SWT1: variants seen among roughly 807,000 people sequenced by gnomAD.
The protein encoded by SWT1 is transcriptional protein SWT1.
A neutral mutation model predicts 107.3 loss-of-function variants in SWT1; 33 were observed. The ratio of observed to expected loss-of-function variants is 0.31; its 90% CI spans 0.23 to 0.41. The LOEUF (loss-of-function observed/expected upper bound fraction) is 0.41. Among genes scored for constraint, SWT1 ranks in the 10% least tolerant of loss-of-function variants. The probability of loss-of-function intolerance (pLI) is 1.00; values close to 1 mark genes in which losing one functional copy is unlikely to be tolerated. For synonymous variants in SWT1, 345 were observed against 348.3 expected (o/e 0.99, Z 0.11); for missense variants, 898 against 1,028.9 (o/e 0.87, Z 1.74).
intron 17 of SWT1, among the ~76,000 whole-genome samples, chr1:185,271,727 AATATAATACAGTC>A (rs1663881926): frequency 6.6e-6 from 1 of 152,202 alleles, no homozygotes; most frequent in Admixed American, 6.5e-5. Context: ...AAAAATTTTG[AATATAATACAGTC>A]TTATTAACTA....
chr1:185,240,031 T>C (rs1487773382), intron 16 of SWT1, among the ~76,000 whole-genome samples: 4 of 152,086 alleles, frequency 2.6e-5, no homozygotes, highest in Non-Finnish European at 1.5e-5. Flanking sequence ...ACACTGTAAA[T>C]GCGTGCAGCT....
chr1:185,258,255 A>G (rs1194960857), intron 16 of SWT1, among the ~76,000 whole-genome samples: 1 of 152,178 alleles, frequency 6.6e-6, no homozygotes, highest in African/African-American at 2.4e-5. Flanking sequence ...ATCTTAGAAC[A>G]CTTTGAGTTC....
chr1:185,210,900 AACAG>A (rs1404779582), intron 13 of SWT1, among the ~76,000 whole-genome samples: 1 of 152,132 alleles, frequency 6.6e-6, no homozygotes, highest in African/African-American at 2.4e-5. Flanking sequence ...ATAAACCAAG[AACAG>A]ACAAACAGAG....
At chr1:185,190,413 TCCA>T in intron 9 of SWT1, 133 bp from the exon 10 acceptor site, 4 of 576,884 alleles carry the variant, frequency 6.9e-6, no homozygotes, top group Non-Finnish European at 1.3e-5. Context: ...ATGACGTGTG[TCCA>T]CCATCATAGT....
chr1:185,258,013 G>A (rs1435873107), intron 16 of SWT1: 1 of 151,978 alleles, frequency 6.6e-6, no homozygotes, highest in African/African-American at 2.4e-5. Flanking sequence ...ACTTGGATCA[G>A]CCTGTCTTTC....
intron 16 of SWT1, among the ~76,000 whole-genome samples, chr1:185,236,516 A>G (rs894611031): frequency 8.5e-5 from 13 of 152,354 alleles, no homozygotes; most frequent in Non-Finnish European, 1.8e-4. Flanking sequence ...GGCTAGCCAT[A>G]TGCAGAAAGC....
chr1:185,223,041 T>C (rs1405899199), intron 15 of SWT1, among the ~76,000 whole-genome samples: 1 of 152,174 alleles, frequency 6.6e-6, no homozygotes, highest in Non-Finnish European at 1.5e-5. Flanking sequence ...GACATACTCA[T>C]TTCATGTCCT....
chr1:185,259,328 A>G (rs1662858529), intron 16 of SWT1, among the ~76,000 whole-genome samples: 1 of 152,196 alleles, frequency 6.6e-6, no homozygotes, highest in African/African-American at 2.4e-5. Flanking sequence ...GTTAACATAC[A>G]ATCAGCAATC....
intron 9 of SWT1, among the ~76,000 whole-genome samples, chr1:185,185,761 C>T (rs1195908394): frequency 6.6e-6 from 1 of 152,042 alleles, no homozygotes; most frequent in Non-Finnish European, 1.5e-5. Context: ...AGATGAATTA[C>T]TTTAGTCTAA....
chr1:185,232,657 A>G (rs1266540593), intron 16 of SWT1, among the ~76,000 whole-genome samples: 3 of 152,194 alleles, frequency 2.0e-5, no homozygotes, highest in Non-Finnish European at 4.4e-5. Context: ...CATGCAAAGC[A>G]GTTTCCATTT....
intron 6 of SWT1, 38 bp from the exon 7 acceptor site, chr1:185,181,908 T>G: frequency 1.2e-6 from 2 of 1,610,524 alleles, no homozygotes; most frequent in South Asian, 1.1e-5. Context: ...GTCTGCAAAG[T>G]AACTCAAAAT....
intron 5 of SWT1, chr1:185,177,166 T>C (rs1157793641): frequency 2.2e-6 from 1 of 458,600 alleles, no homozygotes; most frequent in African/African-American, 2.1e-5. Context: ...ACTGCTTTCT[T>C]AAAGGAAAGA....
chr1:185,250,979 T>G (rs1397455691), intron 16 of SWT1, among the ~76,000 whole-genome samples: 1 of 152,230 alleles, frequency 6.6e-6, no homozygotes, highest in African/African-American at 2.4e-5. Flanking sequence ...TATTTTTCTT[T>G]GTTTGACATG....
intron 18 of SWT1, among the ~76,000 whole-genome samples, chr1:185,276,984 T>C (rs1340914132): frequency 6.6e-6 from 1 of 152,168 alleles, no homozygotes; most frequent in East Asian, 1.9e-4. Context: ...TATTAAAACT[T>C]AGAACTGAGA....
chr1:185,171,773 A>G, intron 4 of SWT1: 1 of 401,380 alleles, frequency 2.5e-6, no homozygotes, highest in Non-Finnish European at 4.8e-6. Flanking sequence ...GTGCAGTGGC[A>G]CAGTCTCGGC....
Position 185,190,637 on chromosome 1 carries a change from G to A in SWT1, c.1518G>A (p.Leu506=). The A allele has an allele frequency of 1.3e-6, 2 of 1,577,072 alleles. No homozygotes were observed. Among genetic ancestry groups the A allele is most frequent in the Non-Finnish European group, 1.7e-6 (2 of 1,151,262 alleles). The change falls in exon 10 of 19, where the codon CTG becomes CTA. Residue 506 remains leucine, a synonymous_variant. Coordinates refer to ENST00000367500, the MANE Select transcript of SWT1 (RefSeq NM_017673.7). The stretch of plus-strand genomic sequence containing the variant: ...TATTCCCTTGTTCTTTTGTTATTCT[G>A]TGCACGTGAGTTTCATAGTCATTTG... ...QELFPCSFVI[L]CTDDRNLRNK... is the part of the protein sequence containing the mutation.
rs1271860513 is a variant in SWT1, at chr1:185,190,225, C to T, written c.1430-324C>T. Among the ~76,000 whole-genome samples, 4 of 152,118 alleles carry T rather than the reference C, an allele frequency of 2.6e-5. No individual in the cohort carries two copies. In the East Asian group the frequency reaches 7.7e-4, roughly 29 times the overall value. On this transcript the variant is annotated intron_variant, in intron 9 of 18. Transcript: ENST00000367500. ...ATTGCACAAAAGACATCAAGATTTC[C>T]CACATACTTCCTGCCCCCACACAAG...
At chr1:185,257,188 G>A (rs994399697) in intron 16 of SWT1, among the ~76,000 whole-genome samples, 6 of 152,106 alleles carry the variant, frequency 3.9e-5, no homozygotes, top group African/African-American at 1.4e-4. Flanking sequence ...CTTCAAAGCT[G>A]TCAGACAGGG....
At chr1:185,243,803 A>G (rs1282309631) in intron 16 of SWT1, among the ~76,000 whole-genome samples, 8 of 152,296 alleles carry the variant, frequency 5.3e-5, no homozygotes, top group South Asian at 2.1e-4. Context: ...TAGTTAATGT[A>G]TTATTTTTGA....
Sources: gnomAD v4.1 joint callset for allele counts (sites outside exome capture counted in the v4.1 genomes callset) on GRCh38, gnomAD v4.1.1 for gene constraint, MANE v1.5 for transcripts, NCBI Gene and HGNC (gene_info 2026-07-23, HGNC 2026-07-21) for gene names.